The following WDR72 variants were observed in gnomAD, a reference collection of about 807,000 sequenced individuals.
The protein encoded by WDR72 is WD repeat-containing protein 72.
WDR72 carries 120 observed loss-of-function variants against 124.2 expected under a neutral mutation model. The observed-to-expected ratio is 0.97, with a 90% CI of 0.83 to 1.12. The LOEUF is 1.12. Ranked by LOEUF, WDR72 falls within the 50% of genes most tolerant of loss-of-function variation. WDR72 has a pLI of 0.00. For missense variants in WDR72, 1,387 were observed against 1,278.8 expected (o/e 1.08, Z -1.29); for synonymous variants, 452 against 441.7 (o/e 1.02, Z -0.29).
intron 13 of WDR72, among the ~76,000 whole-genome samples, chr15:53,678,474 C>T (rs1346208016): frequency 6.6e-6 from 1 of 152,112 alleles, no homozygotes; most frequent in African/African-American, 2.4e-5. Flanking sequence ...TCCTTCTTTT[C>T]CCGGAGCATT....
At chr15:53,579,068 G>A (rs534450838) in intron 18 of WDR72, among the ~76,000 whole-genome samples, 7 of 152,176 alleles carry the variant, frequency 4.6e-5, no homozygotes, top group Non-Finnish European at 1.0e-4. Context: ...CTCCTGATGA[G>A]GAAGGCCTGC....
chr15:53,580,333 C>G (rs1338853078), intron 18 of WDR72, among the ~76,000 whole-genome samples: 1 of 151,992 alleles, frequency 6.6e-6, no homozygotes, highest in Non-Finnish European at 1.5e-5. Context: ...TCAGGGGCCA[C>G]TAAAATGTAT....
chr15:53,602,143 G>A (rs1017074222), intron 17 of WDR72, among the ~76,000 whole-genome samples: 43 of 151,854 alleles, frequency 2.8e-4, no homozygotes, highest in African/African-American at 1.0e-3. Context: ...ACAGTCACCA[G>A]GACCACAGCA....
At position 53,655,956 on chromosome 15, in the gene WDR72, G is replaced by T. The variant is rs543489349; in HGVS notation, c.1962+9616C>A. The stretch of plus-strand genomic sequence containing the variant: ...TCCACCCACCTCGGCCTCCCAAAGT[G>T]CTGGGATTACAGGCGTGAGCCATGG... On this transcript the variant is annotated intron_variant, in intron 14 of 19. Coordinates refer to ENST00000360509, the MANE Select transcript of WDR72 (RefSeq NM_182758.4). Among the ~76,000 whole-genome samples, 9 of 152,350 alleles carry T rather than the reference G, an allele frequency of 5.9e-5. No homozygotes were observed. The South Asian group carries it at 8.3e-4, about 14-fold the overall frequency.
rs1460465836 is a variant in WDR72 at position 53,686,051 on chromosome 15, C to G, written c.1765+13699G>C. 4.7e-5 allele frequency among the ~76,000 whole-genome samples: 7 copies of G among 149,576 alleles called. No homozygotes were observed. In the South Asian group the frequency reaches 8.8e-4, roughly 19 times the overall value. ...CACCAGGCCTGCCTTACAAGAGCTC[C>G]TAAAGGAAGTGCTAAACATGGAAAG... On this transcript the variant is annotated intron_variant, in intron 13 of 19. Transcript: ENST00000360509.
chr15:53,712,204 C>A (rs1034971726), intron 7 of WDR72, among the ~76,000 whole-genome samples: 17 of 152,212 alleles, frequency 1.1e-4, no homozygotes, highest in African/African-American at 4.1e-4. Flanking sequence ...TTAGGATATG[C>A]TACTACATAT....
chr15:53,594,455 T>C (rs547722769), intron 18 of WDR72, among the ~76,000 whole-genome samples: 1 of 152,042 alleles, frequency 6.6e-6, no homozygotes, highest in East Asian at 1.9e-4. Context: ...GAAATCTGCC[T>C]ATGAAATTTG....
At chr15:53,709,962 G>A (rs767978043) in intron 9 of WDR72, among the ~76,000 whole-genome samples, 5 of 152,104 alleles carry the variant, frequency 3.3e-5, no homozygotes, top group Non-Finnish European at 5.9e-5. Flanking sequence ...ATGAAATAAC[G>A]TTTATGGATA....
At chr15:53,724,634 A>T (rs2017969030) in intron 2 of WDR72, among the ~76,000 whole-genome samples, 1 of 152,286 alleles carries the variant, frequency 6.6e-6, no homozygotes. Flanking sequence ...GCATGAGAAA[A>T]TCACCCCCAT....
intron 18 of WDR72, among the ~76,000 whole-genome samples, chr15:53,526,278 G>C (rs755099116): frequency 6.6e-6 from 1 of 151,964 alleles, no homozygotes. Flanking sequence ...GTGCAGAGGA[G>C]AATTCCTCTA....
chr15:53,572,671 T>C (rs1398486295), intron 18 of WDR72, among the ~76,000 whole-genome samples: 1 of 152,142 alleles, frequency 6.6e-6, no homozygotes, highest in East Asian at 1.9e-4. Context: ...TCTGAAGAAT[T>C]TCCTAAACAG....
At chr15:53,723,687 T>C (rs2017940950) in intron 2 of WDR72, among the ~76,000 whole-genome samples, 1 of 152,236 alleles carries the variant, frequency 6.6e-6, no homozygotes, top group Non-Finnish European at 1.5e-5. Flanking sequence ...GATGCTCAAG[T>C]CTGCAATATA....
At chr15:53,572,432 A>G (rs1894569933) in intron 18 of WDR72, among the ~76,000 whole-genome samples, 2 of 151,802 alleles carry the variant, frequency 1.3e-5, no homozygotes, top group African/African-American at 4.8e-5. Context: ...TGCCCTACCT[A>G]TGATATTTTC....
intron 2 of WDR72, among the ~76,000 whole-genome samples, chr15:53,726,192 A>ATGTG (rs1555428745): frequency 1.6e-5 from 2 of 126,558 alleles, no homozygotes; most frequent in African/African-American, 5.4e-5. Flanking sequence ...ATATATATAT[A>ATGTG]TGTGTGTGTG....
At chr15:53,697,957 C>T (rs995621215) in intron 13 of WDR72, among the ~76,000 whole-genome samples, 3 of 152,022 alleles carry the variant, frequency 2.0e-5, no homozygotes, top group Non-Finnish European at 2.9e-5. Flanking sequence ...TACAGGTGCC[C>T]GCCACCATGC....
intron 14 of WDR72, among the ~76,000 whole-genome samples, chr15:53,657,805 C>T (rs1021323456): frequency 2.0e-5 from 3 of 152,138 alleles, no homozygotes; most frequent in African/African-American, 7.2e-5. Context: ...GTAGAAATCA[C>T]GGTTGCCTAT....
rs529865673 is a variant in WDR72, at chr15:53,732,983, T to G, written c.153+14A>C. 7.4e-6 allele frequency: 12 copies of G among 1,614,012 alleles called. No homozygotes were observed. In the East Asian group the frequency reaches 2.7e-4, roughly 36 times the overall value. On this transcript the variant is annotated intron_variant, in intron 2 of 19. Transcript: ENST00000360509. The stretch of plus-strand genomic sequence containing the variant: ...TGAGTGGTGTCTGTTTCAATATCAG[T>G]AGCTTTCACTAACCTTTAGTTCATG...
At chr15:53,616,533 G>C (rs2013774104) in intron 14 of WDR72, among the ~76,000 whole-genome samples, 2 of 151,630 alleles carry the variant, frequency 1.3e-5, no homozygotes, top group African/African-American at 4.8e-5. Context: ...CTTTAATATA[G>C]ACTCTCATAT....
intron 14 of WDR72, among the ~76,000 whole-genome samples, chr15:53,626,911 ATCT>A (rs914452794): frequency 3.3e-5 from 5 of 152,226 alleles, no homozygotes; most frequent in African/African-American, 9.6e-5. Context: ...ATCTGCCCTC[ATCT>A]TCTCACTTTT....
Sources: allele counts gnomAD v4.1 joint callset (sites outside exome capture counted in the v4.1 genomes callset), GRCh38; gene constraint gnomAD v4.1.1; transcripts MANE v1.5; gene names NCBI Gene and HGNC (gene_info 2026-07-23, HGNC 2026-07-21).